The following ARID5B variants were observed in gnomAD, a reference collection of about 807,000 sequenced individuals.
The protein encoded by ARID5B is AT-rich interactive domain-containing protein 5B.
In ARID5B, 13 loss-of-function variants were observed where a neutral mutation model predicts 97.2. The ratio of observed to expected loss-of-function variants is 0.13; its 90% CI spans 0.09 to 0.21. ARID5B has a LOEUF of 0.21. Among genes scored for constraint, ARID5B ranks in the 10% least tolerant of loss-of-function variants. The pLI, the probability that ARID5B is intolerant of heterozygous loss-of-function variation, is 1.00. For missense variants in ARID5B, 1,210 were observed against 1,465.3 expected (o/e 0.83, Z 2.84); for synonymous variants, 556 against 570.3 (o/e 0.97, Z 0.36).
chr10:62,013,037 C>T (rs1386807825), intron 4 of ARID5B, among the ~76,000 whole-genome samples: 2 of 152,082 alleles, frequency 1.3e-5, no homozygotes, highest in Non-Finnish European at 2.9e-5. Context: ...ATTTTCCTTC[C>T]AAGCAATAGC....
At chr10:62,036,728 A>G (rs929134284) in intron 4 of ARID5B, among the ~76,000 whole-genome samples, 3 of 152,166 alleles carry the variant, frequency 2.0e-5, no homozygotes, top group African/African-American at 7.2e-5. Context: ...TTCAGGGCCC[A>G]TTGAAAAACC....
intron 4 of ARID5B, among the ~76,000 whole-genome samples, chr10:62,017,347 G>A (rs563257766): frequency 6.6e-6 from 1 of 152,020 alleles, no homozygotes; most frequent in African/African-American, 2.4e-5. Flanking sequence ...AGCTACTGAG[G>A]AGGCTGAGGT....
intron 4 of ARID5B, among the ~76,000 whole-genome samples, chr10:62,010,637 A>C (rs1373981577): frequency 1.3e-5 from 2 of 152,196 alleles, no homozygotes; most frequent in South Asian, 2.1e-4. Context: ...TTATCTTTTC[A>C]AACCAAAGAG....
chr10:61,958,512 C>T (rs1264328109), intron 3 of ARID5B, among the ~76,000 whole-genome samples: 1 of 152,078 alleles, frequency 6.6e-6, no homozygotes, highest in African/African-American at 2.4e-5. Flanking sequence ...AGGTGTGAGC[C>T]GCCGCGCCCG....
At chr10:61,991,072 A>ACACC (rs1197812071) in intron 3 of ARID5B, among the ~76,000 whole-genome samples, 1 of 150,510 alleles carries the variant, frequency 6.6e-6, no homozygotes, top group Non-Finnish European at 1.5e-5. Context: ...ACACACACAC[A>ACACC]CCAAATTTTG....
rs141694865 is a variant in ARID5B at position 62,088,200 on chromosome 10, G to A, written c.1398+2300G>A. The stretch of plus-strand genomic sequence containing the variant: ...CAGATTTCTCAACATCTGCAAGCTT[G>A]CAACATAAATGGCCAAAAGCAAGGA... On this transcript the variant is annotated intron_variant, in intron 9 of 9. Coordinates refer to ENST00000279873, the MANE Select transcript of ARID5B (RefSeq NM_032199.3). Among the ~76,000 whole-genome samples, 127 of 152,262 alleles carry A rather than the reference G, an allele frequency of 8.3e-4. 1 individual carries two copies. The highest frequency in any genetic ancestry group is 3.4e-3 in the Middle Eastern group (1 of 294).
At chr10:62,006,350 G>A (rs1839146789) in intron 4 of ARID5B, among the ~76,000 whole-genome samples, 1 of 152,180 alleles carries the variant, frequency 6.6e-6, no homozygotes, top group Non-Finnish European at 1.5e-5. Flanking sequence ...GCTGAGGCAG[G>A]AGAATCTCTT....
chr10:61,935,321 A>T (rs1385375881), intron 2 of ARID5B, among the ~76,000 whole-genome samples: 1 of 152,160 alleles, frequency 6.6e-6, no homozygotes, highest in Non-Finnish European at 1.5e-5. Context: ...TCCCTCAGTC[A>T]GTGCGTGGAT....
chr10:62,054,714 C>T (rs1218730929), intron 5 of ARID5B, among the ~76,000 whole-genome samples: 2 of 152,194 alleles, frequency 1.3e-5, no homozygotes, highest in African/African-American at 4.8e-5. Context: ...AGTGGTTCTT[C>T]TGACCTAATA....
chr10:62,050,757 G>A, intron 4 of ARID5B, 131 bp from the exon 5 acceptor site: 1 of 724,108 alleles, frequency 1.4e-6, no homozygotes, highest in South Asian at 1.8e-5. Context: ...GTAATAATGA[G>A]GGCTGCCTGC....
intron 4 of ARID5B, among the ~76,000 whole-genome samples, chr10:62,014,660 C>T (rs1429387587): frequency 6.6e-6 from 1 of 152,098 alleles, no homozygotes; most frequent in Non-Finnish European, 1.5e-5. Context: ...ACTCAGTTAA[C>T]CTCTCTGGGA....
chr10:61,910,926 A>G (rs72833340), intron 2 of ARID5B, among the ~76,000 whole-genome samples: 45,237 of 152,112 alleles, frequency 0.3, 7,296 homozygotes, highest in Non-Finnish European at 0.36. Context: ...TCAGGTTCAC[A>G]GTCACATCTC....
chr10:62,044,251 A>C (rs1279162949), intron 4 of ARID5B, among the ~76,000 whole-genome samples: 5 of 152,112 alleles, frequency 3.3e-5, no homozygotes, highest in African/African-American at 1.2e-4. Context: ...GATGAGTGTA[A>C]AATTTCTCTA....
intron 4 of ARID5B, among the ~76,000 whole-genome samples, chr10:62,011,790 G>A (rs1209421955): frequency 6.6e-6 from 1 of 152,228 alleles, no homozygotes; most frequent in East Asian, 1.9e-4. Context: ...CACGTTAGCA[G>A]AGTAGTGAAT....
chr10:61,933,465 T>A (rs1007142254), intron 2 of ARID5B, among the ~76,000 whole-genome samples: 1 of 152,248 alleles, frequency 6.6e-6, no homozygotes, highest in African/African-American at 2.4e-5. Flanking sequence ...TGCCTAGATC[T>A]ATCAGAGGAA....
At chr10:62,067,198 C>T (rs1294686460) in intron 7 of ARID5B, among the ~76,000 whole-genome samples, 2 of 152,124 alleles carry the variant, frequency 1.3e-5, no homozygotes, top group African/African-American at 2.4e-5. Context: ...AATTCTCCTG[C>T]CTCAGCATCC....
At chr10:61,944,358 T>C (rs762052104) in intron 3 of ARID5B, among the ~76,000 whole-genome samples, 2 of 152,194 alleles carry the variant, frequency 1.3e-5, no homozygotes, top group Non-Finnish European at 2.9e-5. Context: ...TTAGCTTTTA[T>C]AATAAAGTGG....
chr10:62,087,953 C>T (rs1248752107), intron 9 of ARID5B, among the ~76,000 whole-genome samples: 1 of 151,756 alleles, frequency 6.6e-6, no homozygotes, highest in Non-Finnish European at 1.5e-5. Context: ...CAACCTCCGC[C>T]TCCCAGGTTC....
chr10:62,002,584 C>T (rs542028869), intron 4 of ARID5B, among the ~76,000 whole-genome samples: 3 of 152,310 alleles, frequency 2.0e-5, no homozygotes, highest in South Asian at 4.1e-4. Context: ...GTCCCACTTT[C>T]GGTCACAACC....
Sources: gnomAD v4.1 joint callset for allele counts (sites outside exome capture counted in the v4.1 genomes callset) on GRCh38, gnomAD v4.1.1 for gene constraint, MANE v1.5 for transcripts, NCBI Gene and HGNC (gene_info 2026-07-23, HGNC 2026-07-21) for gene names.